Variants in CHIA observed in about 807,000 individuals in gnomAD.
CHIA encodes the protein acidic mammalian chitinase.
Under a neutral mutation model 53.5 loss-of-function variants are expected in CHIA, and 47 were observed. The observed-to-expected ratio is 0.88, with a 90% CI of 0.70 to 1.12. CHIA has a LOEUF of 1.12. CHIA is among the 50% of genes most tolerant of loss of function. The pLI is 0.00. For missense variants in CHIA, 652 were observed against 592.2 expected (o/e 1.10, Z -1.05); for synonymous variants, 268 against 222.2 (o/e 1.21, Z -1.83).
At chr1:111,299,050 T>A (rs1011360046) in intron 1 of CHIA, among the ~76,000 whole-genome samples, 3 of 152,130 alleles carry the variant, frequency 2.0e-5, no homozygotes, top group African/African-American at 7.2e-5. Flanking sequence ...AGAAGTGGAA[T>A]CTCTGAATAG....
At chr1:111,311,785 A>C (rs762334862) in intron 3 of CHIA, 67 bp downstream of exon 3, 223 of 1,539,768 alleles carry the variant, frequency 1.4e-4, no homozygotes, top group Non-Finnish European at 1.9e-4. Flanking sequence ...CTATGGAAAG[A>C]GAGCCGCTGT....
intron 1 of CHIA, among the ~76,000 whole-genome samples, chr1:111,299,635 C>G (rs554856820): frequency 6.6e-6 from 1 of 152,274 alleles, no homozygotes; most frequent in South Asian, 2.1e-4. Flanking sequence ...CAATATCACA[C>G]TGAATGGGCA....
intron 2 of CHIA, among the ~76,000 whole-genome samples, chr1:111,310,975 C>T (rs1443900730): frequency 1.3e-5 from 2 of 152,176 alleles, no homozygotes; most frequent in African/African-American, 2.4e-5. Context: ...TATTATCCTA[C>T]TGAGTTGATG....
intron 2 of CHIA, among the ~76,000 whole-genome samples, chr1:111,311,422 C>T (rs11102243): frequency 0.13 from 20,048 of 152,120 alleles, 1,535 homozygotes; most frequent in African/African-American, 0.19. Flanking sequence ...GTACATCTTC[C>T]ATAGATAGTA....
At chr1:111,314,189 G>A (rs1648948277) in intron 4 of CHIA, among the ~76,000 whole-genome samples, 1 of 151,904 alleles carries the variant, frequency 6.6e-6, no homozygotes, top group Non-Finnish European at 1.5e-5. Flanking sequence ...ACATTACAGA[G>A]GCTAAAAATG....
intron 1 of CHIA, among the ~76,000 whole-genome samples, chr1:111,301,385 A>G (rs28889692): frequency 0.28 from 42,227 of 151,884 alleles, 6,148 homozygotes; most frequent in East Asian, 0.35. Flanking sequence ...ATACACCATG[A>G]AATGCTATGC....
At chr1:111,312,986 C>T (rs1180016411) in intron 4 of CHIA, among the ~76,000 whole-genome samples, 1 of 152,040 alleles carries the variant, frequency 6.6e-6, no homozygotes, top group Admixed American at 6.6e-5. Flanking sequence ...AGGATTTCTG[C>T]CTCTTTTTTA....
chr1:111,294,358 TTC>T (rs1019359189), intron 1 of CHIA, among the ~76,000 whole-genome samples: 2 of 152,228 alleles, frequency 1.3e-5, no homozygotes, highest in Non-Finnish European at 2.9e-5. Flanking sequence ...TCTTTTTTTA[TTC>T]TCTTTGTTAG....
At chr1:111,298,522 T>C (rs944529154) in intron 1 of CHIA, among the ~76,000 whole-genome samples, 5 of 152,092 alleles carry the variant, frequency 3.3e-5, no homozygotes, top group African/African-American at 1.2e-4. Flanking sequence ...TGAAGGCAGA[T>C]ATAAAGATGT....
intron 1 of CHIA, among the ~76,000 whole-genome samples, chr1:111,297,488 G>C (rs1264143536): frequency 2.0e-5 from 3 of 152,114 alleles, no homozygotes; most frequent in Non-Finnish European, 4.4e-5. Context: ...CTTCATAAGT[G>C]AAGGAGAAAT....
intron 1 of CHIA, among the ~76,000 whole-genome samples, chr1:111,306,098 C>T (rs1253440555): frequency 6.6e-6 from 1 of 152,172 alleles, no homozygotes; most frequent in East Asian, 1.9e-4. Flanking sequence ...AATAACTTGA[C>T]AGGCAACCCA....
At chr1:111,319,263 C>T (rs770515340) in intron 10 of CHIA, 24 bp downstream of exon 10, 3 of 1,614,190 alleles carry the variant, frequency 1.9e-6, no homozygotes, top group South Asian at 2.2e-5. Flanking sequence ...CTTAAATGTG[C>T]TGAGGTCCCA....
intron 1 of CHIA, among the ~76,000 whole-genome samples, chr1:111,293,091 G>A (rs4562620): frequency 0.28 from 42,353 of 151,962 alleles, 6,209 homozygotes; most frequent in East Asian, 0.36. Flanking sequence ...GTTATTTTGG[G>A]TATACCTAGA....
chr1:111,310,303 T>C, intron 1 of CHIA, 97 bp from the exon 2 acceptor site: 6 of 1,367,510 alleles, frequency 4.4e-6, no homozygotes, highest in Non-Finnish European at 5.8e-6. Flanking sequence ...TGGGAGGGTG[T>C]AGGTTGAAGG....
chr1:111,293,119 A>G (rs565225354), intron 1 of CHIA, among the ~76,000 whole-genome samples: 15 of 152,216 alleles, frequency 9.9e-5, no homozygotes, highest in South Asian at 8.3e-4. Flanking sequence ...TTGCTGGATC[A>G]TATGGTAATT....
chr1:111,295,282 G>A (rs1366526687), intron 1 of CHIA, among the ~76,000 whole-genome samples: 2 of 152,196 alleles, frequency 1.3e-5, no homozygotes, highest in Non-Finnish European at 2.9e-5. Flanking sequence ...CCAGGCTCAA[G>A]TGATTCTCCT....
At chr1:111,297,525 T>G (rs995201487) in intron 1 of CHIA, among the ~76,000 whole-genome samples, 3 of 152,114 alleles carry the variant, frequency 2.0e-5, no homozygotes, top group African/African-American at 7.2e-5. Context: ...AAGCAAATGC[T>G]GAGAGATTTT....
chr1:111,317,123 C>G (rs1649222478), intron 6 of CHIA: 1 of 152,964 alleles, frequency 6.5e-6, no homozygotes, highest in African/African-American at 2.4e-5. Flanking sequence ...CTGGAACATA[C>G]TCTGGCGCAC....
At chr1:111,302,195 C>T (rs1168555717) in intron 1 of CHIA, among the ~76,000 whole-genome samples, 2 of 152,074 alleles carry the variant, frequency 1.3e-5, no homozygotes, top group East Asian at 3.8e-4. Context: ...GTTTTATCTT[C>T]TCAAAGAACT....
Sources: gnomAD v4.1 joint callset for allele counts (sites outside exome capture counted in the v4.1 genomes callset) on GRCh38, gnomAD v4.1.1 for gene constraint, MANE v1.5 for transcripts, NCBI Gene and HGNC (gene_info 2026-07-23, HGNC 2026-07-21) for gene names.